SEMA3A: variants seen among roughly 807,000 people sequenced by gnomAD.
The protein encoded by SEMA3A is semaphorin 3A, also known as semaphorin-3A.
In SEMA3A, 29 loss-of-function variants were observed where a neutral mutation model predicts 97.9. The observed-to-expected ratio is 0.30, with a 90% confidence interval of 0.22 to 0.40. The LOEUF is 0.40. SEMA3A is among the 10% of genes least tolerant of loss of function. The pLI is 1.00. For synonymous variants in SEMA3A, 321 were observed against 323.7 expected (o/e 0.99, Z 0.09); for missense variants, 763 against 951.3 (o/e 0.80, Z 2.60).
chr7:84,091,721 G>A (rs146451044), intron 4 of SEMA3A, among the ~76,000 whole-genome samples: 1 of 152,244 alleles, frequency 6.6e-6, no homozygotes, highest in East Asian at 1.9e-4. Context: ...CCAATTTTTA[G>A]AGACTATCTT....
intron 12 of SEMA3A, among the ~76,000 whole-genome samples, chr7:83,989,296 A>C (rs1424691043): frequency 1.3e-5 from 2 of 152,180 alleles, no homozygotes; most frequent in Non-Finnish European, 2.9e-5. Context: ...ATAATACAAA[A>C]AAAATCTATA....
At chr7:84,425,987 T>C (rs533950226) in intron 1 of SEMA3A, among the ~76,000 whole-genome samples, 1 of 151,396 alleles carries the variant, frequency 6.6e-6, no homozygotes, top group Non-Finnish European at 1.5e-5. Flanking sequence ...AATGGAAAAC[T>C]AAATACTGTA....
At chr7:84,203,839 G>A (rs1798420097) in intron 3 of SEMA3A, among the ~76,000 whole-genome samples, 1 of 151,892 alleles carries the variant, frequency 6.6e-6, no homozygotes, top group Non-Finnish European at 1.5e-5. Flanking sequence ...CCTCTTTGTA[G>A]ATATAATTGC....
chr7:84,481,349 G>C (rs1277633756), intron 1 of SEMA3A, among the ~76,000 whole-genome samples: 1 of 152,092 alleles, frequency 6.6e-6, no homozygotes, highest in Non-Finnish European at 1.5e-5. Flanking sequence ...TTATTTCAAA[G>C]CTCTTTTAGA....
At chr7:84,134,388 A>G (rs375270848) in intron 2 of SEMA3A, among the ~76,000 whole-genome samples, 1 of 152,332 alleles carries the variant, frequency 6.6e-6, no homozygotes, top group East Asian at 1.9e-4. Context: ...TAGCATGCCA[A>G]ATTAGGCATG....
At chr7:84,481,338 AT>A (rs1806440594) in intron 1 of SEMA3A, among the ~76,000 whole-genome samples, 2 of 152,178 alleles carry the variant, frequency 1.3e-5, no homozygotes, top group African/African-American at 4.8e-5. Context: ...AAAAATGAAC[AT>A]TATTTCAAAG....
At chr7:84,434,596 A>C (rs963106193) in intron 1 of SEMA3A, among the ~76,000 whole-genome samples, 5 of 152,194 alleles carry the variant, frequency 3.3e-5, no homozygotes, top group Admixed American at 6.5e-5. Flanking sequence ...ATGAGGACAG[A>C]CATAAAAATC....
At chr7:84,233,358 T>A (rs1799160436) in intron 3 of SEMA3A, among the ~76,000 whole-genome samples, 1 of 151,976 alleles carries the variant, frequency 6.6e-6, no homozygotes. Flanking sequence ...CTCACTGTTC[T>A]TTGTTTTCTT....
chr7:84,472,933 T>A lies in SEMA3A; in HGVS notation c.-246+19527A>T, dbSNP rs191117283. ...TAATACTGCTATTAGTTTAGAGAGATCCTCATGTGACAGCATTAGTGGCAT... is the reference window on the plus strand; with the variant it reads ...TAATACTGCTATTAGTTTAGAGAGAACCTCATGTGACAGCATTAGTGGCAT... On this transcript the variant is annotated intron_variant, in intron 1 of 3. Coordinates refer to the SEMA3A transcript ENST00000424555. Among the ~76,000 whole-genome samples, 93 of 152,274 alleles carry A rather than the reference T, an allele frequency of 6.1e-4. 1 individual carries two copies. The highest frequency in any genetic ancestry group is 9.3e-4 in the Non-Finnish European group (63 of 68,016).
intron 3 of SEMA3A, among the ~76,000 whole-genome samples, chr7:84,228,066 C>T (rs887397249): frequency 6.6e-6 from 1 of 151,664 alleles, no homozygotes; most frequent in Admixed American, 6.6e-5. Flanking sequence ...ATATGGAGGG[C>T]AAGATATGGG....
At chr7:84,361,883 A>T (rs1343586913) in intron 2 of SEMA3A, among the ~76,000 whole-genome samples, 1 of 151,902 alleles carries the variant, frequency 6.6e-6, no homozygotes, top group Non-Finnish European at 1.5e-5. Flanking sequence ...GAGAAGAGAG[A>T]ACTGCAGGGT....
At position 84,134,909 on chromosome 7, in the gene SEMA3A, G is replaced by C; in HGVS notation, c.155C>G (p.Ala52Gly). 1 of 1,613,758 alleles carries C rather than the reference G, an allele frequency of 6.2e-7. No homozygotes were observed. The highest frequency in any genetic ancestry group is 2.2e-5 in the East Asian group (1 of 44,842). Residue 52 changes from alanine to glycine, a missense_variant, in exon 2 of 17, where the codon GCC (alanine) becomes GGC (glycine). Ala to Gly is a moderately conservative substitution (Grantham distance 60, BLOSUM62 0). Transcript: ENST00000265362. ...SNNVITFNGL[A>G]NSSSYHTFLL... ...GAAGGTATGATAACTGGAGCTGTTG[G>C]CCAAGCCATTGAAAGTGATCACATT...
At chr7:84,257,468 A>G (rs1312808341) in intron 3 of SEMA3A, among the ~76,000 whole-genome samples, 8 of 152,132 alleles carry the variant, frequency 5.3e-5, no homozygotes, top group African/African-American at 1.7e-4. Flanking sequence ...TCTTTGGTAT[A>G]TATTTAGAAT....
chr7:84,226,809 G>T (rs2116347154), intron 3 of SEMA3A, among the ~76,000 whole-genome samples: 1 of 152,138 alleles, frequency 6.6e-6, no homozygotes, highest in South Asian at 2.1e-4. Flanking sequence ...AAAACATCTA[G>T]TAGAAATGAC....
At chr7:84,458,438 T>C (rs1296203507) in intron 1 of SEMA3A, among the ~76,000 whole-genome samples, 1 of 147,970 alleles carries the variant, frequency 6.8e-6, no homozygotes, top group Admixed American at 6.7e-5. Flanking sequence ...CTATTGTGGC[T>C]ATTTAAATCA....
chr7:83,972,747 T>A (rs1191238417), intron 15 of SEMA3A, among the ~76,000 whole-genome samples: 5 of 152,132 alleles, frequency 3.3e-5, no homozygotes, highest in African/African-American at 7.2e-5. Context: ...TATGAACAGG[T>A]GATCTCTGAT....
At chr7:84,321,050 T>C (rs374254105) in intron 2 of SEMA3A, among the ~76,000 whole-genome samples, 2 of 152,146 alleles carry the variant, frequency 1.3e-5, no homozygotes, top group South Asian at 4.1e-4. Flanking sequence ...TAGGAAAGAG[T>C]TCTTATTTGA....
At chr7:84,462,099 A>T (rs1458272122) in intron 1 of SEMA3A, among the ~76,000 whole-genome samples, 2 of 152,160 alleles carry the variant, frequency 1.3e-5, no homozygotes, top group African/African-American at 2.4e-5. Flanking sequence ...TCGTGAATAT[A>T]TAATGTCTCA....
chr7:84,301,926 G>A (rs376938752), intron 3 of SEMA3A, among the ~76,000 whole-genome samples: 6 of 151,946 alleles, frequency 3.9e-5, no homozygotes, highest in East Asian at 3.9e-4. Flanking sequence ...TCCAATCCAC[G>A]TCTTTTTCAA....
Sources: allele counts gnomAD v4.1 joint callset (sites outside exome capture counted in the v4.1 genomes callset), GRCh38; gene constraint gnomAD v4.1.1; transcripts MANE v1.5; gene names NCBI Gene and HGNC (gene_info 2026-07-23, HGNC 2026-07-21).